LRBA: variants seen among roughly 807,000 people sequenced by gnomAD.
LRBA encodes lipopolysaccharide-responsive and beige-like anchor protein.
In LRBA, 176 loss-of-function variants were observed where a neutral mutation model predicts 330.0. That is an observed-to-expected ratio of 0.53 (90% CI 0.47 to 0.60). The LOEUF is 0.60. Ranked by LOEUF, LRBA falls within the 20% of genes least tolerant of loss-of-function variation. The pLI, the probability that LRBA is intolerant of heterozygous loss-of-function variation, is 0.00. For missense variants in LRBA, 3,259 were observed against 3,444.8 expected (o/e 0.95, Z 1.35); for synonymous variants, 1,230 against 1,193.0 (o/e 1.03, Z -0.64).
intron 2 of LRBA, among the ~76,000 whole-genome samples, chr4:150,973,326 C>T (rs758950977): frequency 6.6e-6 from 1 of 152,054 alleles, no homozygotes; most frequent in African/African-American, 2.4e-5. Flanking sequence ...CGCCACCACG[C>T]CCAGCTAATT....
chr4:150,445,302 A>G (rs1041313152), intron 44 of LRBA, among the ~76,000 whole-genome samples: 1 of 145,400 alleles, frequency 6.9e-6, no homozygotes, highest in African/African-American at 2.5e-5. Flanking sequence ...TTTGCTTTGA[A>G]AGTCATCTGA....
chr4:150,938,330 T>C (rs1220772906), intron 2 of LRBA, among the ~76,000 whole-genome samples: 1 of 152,200 alleles, frequency 6.6e-6, no homozygotes, highest in Non-Finnish European at 1.5e-5. Context: ...CAGGAATCCT[T>C]TCCTAAGTGA....
intron 44 of LRBA, among the ~76,000 whole-genome samples, chr4:150,460,200 T>TA (rs1390901767): frequency 6.6e-6 from 1 of 151,870 alleles, no homozygotes; most frequent in Non-Finnish European, 1.5e-5. Flanking sequence ...CAACAACAGT[T>TA]AAATGTCGGT....
intron 5 of LRBA, among the ~76,000 whole-genome samples, chr4:150,917,757 C>A (rs1356675291): frequency 2.0e-5 from 3 of 151,696 alleles, no homozygotes; most frequent in Admixed American, 2.0e-4. Flanking sequence ...TGAAACCCTG[C>A]CTCTACTAAA....
intron 52 of LRBA, among the ~76,000 whole-genome samples, chr4:150,304,919 C>A (rs534740061): frequency 6.6e-6 from 1 of 152,296 alleles, no homozygotes; most frequent in African/African-American, 2.4e-5. Flanking sequence ...ATACATCATA[C>A]ATCATGAATA....
chr4:150,392,726 GCT>G (rs1315954812), intron 47 of LRBA, among the ~76,000 whole-genome samples: 1 of 151,826 alleles, frequency 6.6e-6, no homozygotes, highest in African/African-American at 2.4e-5. Context: ...GAGTTTTGGG[GCT>G]GAGAATATGG....
At chr4:150,865,112 A>G (rs982840596) in intron 22 of LRBA, among the ~76,000 whole-genome samples, 6 of 152,138 alleles carry the variant, frequency 3.9e-5, no homozygotes, top group Admixed American at 3.9e-4. Context: ...TCCCCTAGAA[A>G]TCTCTGAAAT....
chr4:150,568,900 T>G (rs771560474), intron 40 of LRBA, among the ~76,000 whole-genome samples: 1 of 152,070 alleles, frequency 6.6e-6, no homozygotes, highest in African/African-American at 2.4e-5. Context: ...GGATAACTTA[T>G]AAGTAGATTT....
At chr4:150,435,237 G>A (rs747406388) in intron 46 of LRBA, among the ~76,000 whole-genome samples, 1 of 152,112 alleles carries the variant, frequency 6.6e-6, no homozygotes, top group Non-Finnish European at 1.5e-5. Context: ...TGTAATCCCA[G>A]CTACTTGGGA....
At chr4:150,551,630 T>A (rs1225244227) in intron 40 of LRBA, among the ~76,000 whole-genome samples, 2 of 151,810 alleles carry the variant, frequency 1.3e-5, no homozygotes, top group Non-Finnish European at 2.9e-5. Flanking sequence ...ATCATGTCAC[T>A]GCACTCCAGC....
intron 44 of LRBA, among the ~76,000 whole-genome samples, chr4:150,461,151 T>A (rs572510343): frequency 6.6e-6 from 1 of 151,862 alleles, no homozygotes; most frequent in Admixed American, 6.6e-5. Context: ...AAGCTTTCCT[T>A]TTTCAAGCAA....
At chr4:150,694,462 CAA>C (rs58558446) in intron 36 of LRBA, among the ~76,000 whole-genome samples, 7 of 71,006 alleles carry the variant, frequency 9.9e-5, no homozygotes, top group African/African-American at 2.5e-4. Context: ...TGATCTTTAA[CAA>C]AAAAAAAAAA....
intron 7 of LRBA, 84 bp from the exon 8 acceptor site, chr4:150,915,811 A>G (rs1169590916): frequency 2.0e-6 from 2 of 1,000,474 alleles, no homozygotes; most frequent in Admixed American, 3.2e-5. Flanking sequence ...AAGTTAAATG[A>G]TAAGTTGTAA....
At chr4:150,433,058 A>G (rs1750642910) in intron 46 of LRBA, among the ~76,000 whole-genome samples, 1 of 152,172 alleles carries the variant, frequency 6.6e-6, no homozygotes, top group Non-Finnish European at 1.5e-5. Context: ...ACATTGGTGG[A>G]AAAATATCAG....
At chr4:150,650,355 G>A (rs1475124012) in intron 37 of LRBA, among the ~76,000 whole-genome samples, 1 of 152,142 alleles carries the variant, frequency 6.6e-6, no homozygotes, top group Non-Finnish European at 1.5e-5. Context: ...TCTATAAAAT[G>A]TAATATGTTA....
chr4:150,989,403 A>T (rs1741818978), intron 2 of LRBA, among the ~76,000 whole-genome samples: 1 of 148,894 alleles, frequency 6.7e-6, no homozygotes, highest in South Asian at 2.4e-4. Flanking sequence ...TCACGAGGTC[A>T]GGTGTTCGAG....
At chr4:150,786,111 T>C (rs1316154954) in intron 34 of LRBA, among the ~76,000 whole-genome samples, 1 of 152,202 alleles carries the variant, frequency 6.6e-6, no homozygotes, top group African/African-American at 2.4e-5. Flanking sequence ...TCTGTTAAGA[T>C]GTAGGCATAG....
intron 40 of LRBA, among the ~76,000 whole-genome samples, chr4:150,500,663 A>G (rs1231991078): frequency 6.6e-6 from 1 of 152,264 alleles, no homozygotes; most frequent in East Asian, 1.9e-4. Context: ...GTTTACTGAT[A>G]GACTATTCTG....
intron 37 of LRBA, among the ~76,000 whole-genome samples, chr4:150,626,756 C>T (rs1479757302): frequency 4.6e-5 from 7 of 152,176 alleles, no homozygotes; most frequent in South Asian, 2.1e-4. Flanking sequence ...TAAATTGCTT[C>T]TGTTTAAACA....
Sources: allele counts gnomAD v4.1 joint callset (sites outside exome capture counted in the v4.1 genomes callset), GRCh38; gene constraint gnomAD v4.1.1; transcripts MANE v1.5; gene names NCBI Gene and HGNC (gene_info 2026-07-23, HGNC 2026-07-21).